C10orf67: variants seen among roughly 807,000 people sequenced by gnomAD.
C10orf67 encodes the protein uncharacterized protein C10orf67, mitochondrial.
Under a neutral mutation model 35.6 loss-of-function variants are expected in C10orf67, and 60 were observed. The ratio of observed to expected loss-of-function variants is 1.68; its 90% CI spans 1.37 to 2.09. The LOEUF (loss-of-function observed/expected upper bound fraction) is 2.09. Ranked by LOEUF, C10orf67 falls within the 30% of genes most tolerant of loss-of-function variation. C10orf67 has a pLI of 0.00. For missense variants in C10orf67, 474 were observed against 330.2 expected (o/e 1.44, Z -3.38); for synonymous variants, 167 against 115.8 (o/e 1.44, Z -2.84).
In C10orf67 at chr10:23,269,857, A is replaced by G. The variant is rs139834364; in HGVS notation, c.976-2603T>C. Among the ~76,000 whole-genome samples, 180 of 152,260 alleles carry G rather than the reference A, an allele frequency of 1.2e-3. 1 individual carries two copies. Among genetic ancestry groups the G allele is most frequent in the African/African-American group, 4.1e-3 (172 of 41,554 alleles). Reference sequence around the variant, plus strand: ...AACGATCACAAACGTGTATGTGCCTAATAACAGAGCTAAAAAATATGCAAA... The same window carrying G: ...AACGATCACAAACGTGTATGTGCCTGATAACAGAGCTAAAAAATATGCAAA... On this transcript the variant is annotated intron_variant, in intron 8 of 15. Coordinates refer to ENST00000636213, the MANE Select transcript of C10orf67 (RefSeq NM_001371909.1).
At position 23,287,009 on chromosome 10, in the gene C10orf67, A is replaced by G. The variant is rs182368988; in HGVS notation, c.909+2891T>C. 5.1e-3 allele frequency among the ~76,000 whole-genome samples: 781 copies of G among 152,358 alleles called. 43 individuals are homozygous for G. Among genetic ancestry groups the G allele is most frequent in the Admixed American group, 0.049 (756 of 15,304 alleles). On this transcript the variant is annotated intron_variant, in intron 7 of 15. Coordinates refer to ENST00000636213, the MANE Select transcript of C10orf67 (RefSeq NM_001371909.1). ...ACAAATGAAAAAACATTCCATCCTT[A>G]TGGATAGGAAGAATCAATATCATGA...
At chr10:23,204,324 C>A in intron 15 of C10orf67, 69 bp from the exon 16 acceptor site, 1 of 469,270 alleles carries the variant, frequency 2.1e-6, no homozygotes, top group South Asian at 4.2e-5. Flanking sequence ...ACTTCCCACT[C>A]TTCCCCCAAA....
chr10:23,259,242 C>T (rs1031619888), intron 10 of C10orf67, among the ~76,000 whole-genome samples: 10 of 152,190 alleles, frequency 6.6e-5, no homozygotes, highest in South Asian at 4.1e-4. Flanking sequence ...TTCTGTCCTT[C>T]GTATATCAAG....
intron 10 of C10orf67, among the ~76,000 whole-genome samples, chr10:23,263,215 C>G (rs895290562): frequency 6.6e-6 from 1 of 152,162 alleles, no homozygotes; most frequent in African/African-American, 2.4e-5. Flanking sequence ...AATAATGAAA[C>G]AGTAAGCAGA....
At chr10:23,212,777 T>C in intron 15 of C10orf67, among the ~76,000 whole-genome samples, 1 of 52,744 alleles carries the variant, frequency 1.9e-5, no homozygotes, top group South Asian at 8.1e-4. Flanking sequence ...AAATATTGTA[T>C]TGAGAGAGAG....
chr10:23,214,252 T>A (rs1416404436), intron 15 of C10orf67, among the ~76,000 whole-genome samples: 1 of 152,046 alleles, frequency 6.6e-6, no homozygotes, highest in African/African-American at 2.4e-5. Context: ...TCAGAAAACA[T>A]AAGAGATTAG....
At chr10:23,325,631 T>C (rs1320641408) in intron 2 of C10orf67, among the ~76,000 whole-genome samples, 17 of 147,176 alleles carry the variant, frequency 1.2e-4, no homozygotes, top group Non-Finnish European at 1.5e-5. Flanking sequence ...ACCCAGAAGA[T>C]AACATCCACA....
intron 7 of C10orf67, 34 bp from the exon 8 acceptor site, chr10:23,282,112 G>T: frequency 2.0e-6 from 1 of 505,568 alleles, no homozygotes. Context: ...TTTTATTAAA[G>T]ATAAGAACAG....
intron 13 of C10orf67, among the ~76,000 whole-genome samples, chr10:23,238,697 C>T (rs146541078): frequency 0.013 from 2,048 of 152,018 alleles, 27 homozygotes; most frequent in Middle Eastern, 0.088. Context: ...TTTTATTTGC[C>T]GAACTGATTA....
At chr10:23,252,954 T>C (rs144544694) in intron 10 of C10orf67, among the ~76,000 whole-genome samples, 76 of 152,140 alleles carry the variant, frequency 5.0e-4, no homozygotes, top group African/African-American at 1.8e-3. Context: ...GTCTTTCCCA[T>C]GTTGTTCTCA....
chr10:23,288,184 G>C (rs1343736155), intron 7 of C10orf67, among the ~76,000 whole-genome samples: 1 of 152,148 alleles, frequency 6.6e-6, no homozygotes, highest in African/African-American at 2.4e-5. Context: ...GTTTACTGCA[G>C]CATTATTTAC....
At chr10:23,274,603 T>C (rs113397667) in intron 8 of C10orf67, among the ~76,000 whole-genome samples, 190 of 152,270 alleles carry the variant, frequency 1.2e-3, no homozygotes, top group African/African-American at 4.4e-3. Context: ...GACCTTATGG[T>C]TATCTTTCCT....
In C10orf67 at chr10:23,344,668, T is replaced by C; in HGVS notation, c.107A>G (p.Glu36Gly). ...CTCGGTGGCCTTGGCTTTCATGGCCTCCCAGCGTGTGCCAAAGGTCCCCCT... is the reference window on the plus strand; with the variant it reads ...CTCGGTGGCCTTGGCTTTCATGGCCCCCCAGCGTGTGCCAAAGGTCCCCCT... The part of the protein sequence containing the change: ...SLRGTFGTRW[E>G]AMKAKATELR... The change falls in exon 1 of 16, where the codon GAG (glutamate) becomes GGG (glycine). Residue 36 changes from glutamate (E) to glycine (G), a missense_variant. By Grantham distance (98) the Glu-to-Gly change is moderately conservative. Transcript: ENST00000636213. 2 of 1,579,920 alleles carry C rather than the reference T, an allele frequency of 1.3e-6. No homozygotes were observed. The highest frequency in any genetic ancestry group is 4.7e-5 in the East Asian group (2 of 42,864).
At position 23,280,133 on chromosome 10, in the gene C10orf67, G is replaced by A. The variant is rs139688320; in HGVS notation, c.975+1880C>T. ...GTCTCCCAAAGCACTGGGATTACAGGCATGAGCTGCCACACACAGCCAGTT... is the reference window on the plus strand; with the variant it reads ...GTCTCCCAAAGCACTGGGATTACAGACATGAGCTGCCACACACAGCCAGTT... On this transcript the variant is annotated intron_variant, in intron 8 of 15. Transcript: ENST00000636213. Among the ~76,000 whole-genome samples the A allele has an allele frequency of 8.6e-3, 1,303 of 152,242 alleles. 12 individuals carry two copies. The highest frequency in any genetic ancestry group is 0.013 in the Non-Finnish European group (868 of 68,012).
chr10:23,254,886 T>TGAAA (rs1842560154), intron 10 of C10orf67, among the ~76,000 whole-genome samples: 1 of 152,200 alleles, frequency 6.6e-6, no homozygotes, highest in South Asian at 2.1e-4. Context: ...CTGGGCTTAA[T>TGAAA]GAAAGGTACT....
chr10:23,260,717 C>T (rs1265156751), intron 10 of C10orf67, among the ~76,000 whole-genome samples: 3 of 152,070 alleles, frequency 2.0e-5, no homozygotes, highest in African/African-American at 7.2e-5. Context: ...GGGAGATTTC[C>T]CACCAGAGGT....
intron 2 of C10orf67, among the ~76,000 whole-genome samples, chr10:23,324,970 G>A (rs1564514337): frequency 1.3e-5 from 2 of 152,016 alleles, no homozygotes; most frequent in South Asian, 2.1e-4. Context: ...ACTTTGAGAG[G>A]TTAAGTGACA....
intron 4 of C10orf67, among the ~76,000 whole-genome samples, chr10:23,304,992 C>T (rs1319961217): frequency 1.9e-4 from 29 of 152,134 alleles, no homozygotes; most frequent in Admixed American, 1.8e-3. Context: ...CGGCTGCAAC[C>T]CTACTCAACT....
intron 5 of C10orf67, among the ~76,000 whole-genome samples, chr10:23,299,132 A>C (rs1221540533): frequency 6.6e-6 from 1 of 152,148 alleles, no homozygotes; most frequent in Non-Finnish European, 1.5e-5. Context: ...GGTTAGGTAT[A>C]GCTGGGTATA....
Sources: allele counts gnomAD v4.1 joint callset (sites outside exome capture counted in the v4.1 genomes callset), GRCh38; gene constraint gnomAD v4.1.1; transcripts MANE v1.5; gene names NCBI Gene and HGNC (gene_info 2026-07-23, HGNC 2026-07-21).